DPYS: variants seen among roughly 807,000 people sequenced by gnomAD.
The protein encoded by DPYS is dihydropyrimidine amidohydrolase.
Under a neutral mutation model 50.3 loss-of-function variants are expected in DPYS, and 39 were observed. The ratio of observed to expected loss-of-function variants is 0.78; its 90% CI spans 0.60 to 1.01. DPYS has a LOEUF of 1.01. Ranked by LOEUF, DPYS falls within the 50% of genes least tolerant of loss-of-function variation. The pLI, the probability that DPYS is intolerant of heterozygous loss-of-function variation, is 0.00. For synonymous variants in DPYS, 245 were observed against 250.7 expected (o/e 0.98, Z 0.22); for missense variants, 659 against 680.9 (o/e 0.97, Z 0.36).
In DPYS at chr8:104,451,367, A is replaced by G. The variant is rs778287686; in HGVS notation, c.302T>C (p.Phe101Ser). The G allele has an allele frequency of 6.2e-7, 1 of 1,614,192 alleles. No individual in the cohort carries two copies. Among genetic ancestry groups the G allele is most frequent in the South Asian group, 1.1e-5 (1 of 91,078 alleles). ...GGAGCCACCTTTCTGAGGAATGGCG[A>G]AATCAATAATCATGGTGGTGCCTCC... ...LSGGTTMIID[F>S]AIPQKGGSLI... The change falls in exon 2 of 10, where the codon TTC becomes TCC. Residue 101 changes from phenylalanine to serine, a missense_variant. By Grantham distance (155) the Phe-to-Ser change is radical. Coordinates refer to ENST00000351513, the MANE Select transcript of DPYS (RefSeq NM_001385.3).
chr8:104,440,515 C>G (rs367772709), intron 4 of DPYS, among the ~76,000 whole-genome samples: 8 of 152,086 alleles, frequency 5.3e-5, no homozygotes, highest in African/African-American at 9.7e-5. Flanking sequence ...TCCACCCGCC[C>G]CGGCCTCCCA....
chr8:104,426,881 A>G (rs768385511), intron 6 of DPYS, among the ~76,000 whole-genome samples: 6 of 152,190 alleles, frequency 3.9e-5, no homozygotes, highest in Non-Finnish European at 8.8e-5. Context: ...CAATTTTAAA[A>G]ACATGATATC....
intron 7 of DPYS, among the ~76,000 whole-genome samples, chr8:104,397,526 T>C (rs2853157): frequency 0.92 from 140,628 of 152,224 alleles, 65,386 homozygotes; most frequent in Middle Eastern, 0.99. Flanking sequence ...CAGCCCATTT[T>C]TGTTGGGTAC....
intron 1 of DPYS, among the ~76,000 whole-genome samples, chr8:104,462,480 G>A (rs1814205558): frequency 6.6e-6 from 1 of 152,118 alleles, no homozygotes; most frequent in East Asian, 1.9e-4. Flanking sequence ...AAAGCAAAGT[G>A]TAATTTCCCT....
intron 7 of DPYS, among the ~76,000 whole-genome samples, chr8:104,393,232 A>C (rs1811459349): frequency 6.6e-6 from 1 of 152,242 alleles, no homozygotes; most frequent in Admixed American, 6.5e-5. Context: ...ATGAGGGTGG[A>C]GTGAGTGGAA....
chr8:104,444,600 ATATC>A (rs1813468487), intron 3 of DPYS, among the ~76,000 whole-genome samples, 163 bp from the exon 4 acceptor site: 1 of 152,196 alleles, frequency 6.6e-6, no homozygotes, highest in Non-Finnish European at 1.5e-5. Context: ...TTGTGTAAAT[ATATC>A]TATAACACAT....
chr8:104,440,437 G>A (rs1813310488), intron 4 of DPYS, among the ~76,000 whole-genome samples: 1 of 152,182 alleles, frequency 6.6e-6, no homozygotes, highest in Non-Finnish European at 1.5e-5. Flanking sequence ...TGTGGAGGCT[G>A]CATTCTAGGG....
At chr8:104,462,961 T>C (rs927210857) in intron 1 of DPYS, among the ~76,000 whole-genome samples, 3 of 152,234 alleles carry the variant, frequency 2.0e-5, no homozygotes, top group Non-Finnish European at 4.4e-5. Flanking sequence ...TTTAAACCAA[T>C]CTCTGACATG....
At chr8:104,459,426 G>A (rs1588463617) in intron 1 of DPYS, among the ~76,000 whole-genome samples, 1 of 152,274 alleles carries the variant, frequency 6.6e-6, no homozygotes, top group East Asian at 1.9e-4. Context: ...CAAATACCAT[G>A]GTTTTCATCT....
intron 7 of DPYS, chr8:104,420,175 T>C (rs751072251): frequency 5.9e-5 from 9 of 152,108 alleles, no homozygotes; most frequent in African/African-American, 9.7e-5. Context: ...ACAGTGACGA[T>C]GGTAGGGGTA....
Position 104,424,390 on chromosome 8 carries a change from C to T in DPYS, c.1093-1G>A. On this transcript the variant is annotated splice_acceptor_variant, in intron 6 of 9. Transcript: ENST00000351513. LOFTEE classifies it high-confidence loss of function. ...TGTTTTCATCCATTTTACCACTATG[C>T]TGTAAAGCAATTCAAAGAATCATTC... 1 of 1,613,510 alleles carries T rather than the reference C, an allele frequency of 6.2e-7. No homozygotes were observed. The highest frequency in any genetic ancestry group is 8.5e-7 in the Non-Finnish European group (1 of 1,179,936).
intron 1 of DPYS, among the ~76,000 whole-genome samples, chr8:104,463,636 G>C (rs1355859639): frequency 6.6e-6 from 1 of 152,110 alleles, no homozygotes; most frequent in Non-Finnish European, 1.5e-5. Flanking sequence ...ATGGCATCTG[G>C]GATTTTTGGA....
chr8:104,405,586 C>G (rs992140773), intron 7 of DPYS, among the ~76,000 whole-genome samples: 1 of 152,240 alleles, frequency 6.6e-6, no homozygotes. Context: ...GCTAGAAGCT[C>G]AGCCTCAGGG....
intron 7 of DPYS, among the ~76,000 whole-genome samples, chr8:104,415,890 A>T (rs1451675281): frequency 6.6e-6 from 1 of 152,130 alleles, no homozygotes; most frequent in East Asian, 1.9e-4. Context: ...AGCTAATAAG[A>T]GCTCCCACTC....
At chr8:104,451,143 T>C in intron 2 of DPYS, 103 bp downstream of exon 2, 1 of 1,457,418 alleles carries the variant, frequency 6.9e-7, no homozygotes, top group Non-Finnish European at 9.6e-7. Context: ...GCCAGTTCTG[T>C]CCTCCTGTTG....
intron 8 of DPYS, among the ~76,000 whole-genome samples, chr8:104,382,043 T>A (rs1811069393): frequency 6.6e-6 from 1 of 152,204 alleles, no homozygotes; most frequent in South Asian, 2.1e-4. Context: ...AGTTAATTAA[T>A]GCCTCCAGGC....
At chr8:104,466,522 T>A (rs528003763) in intron 1 of DPYS, 135 bp downstream of exon 1, 2 of 1,041,798 alleles carry the variant, frequency 1.9e-6, no homozygotes, top group East Asian at 3.2e-5. Context: ...CCGCCGGGGC[T>A]GCGCTCCTTC....
intron 1 of DPYS, among the ~76,000 whole-genome samples, chr8:104,458,351 A>T (rs1588462850): frequency 6.6e-6 from 1 of 151,732 alleles, no homozygotes; most frequent in African/African-American, 2.4e-5. Context: ...CATTCACTCC[A>T]CTCCACTGAC....
intron 7 of DPYS, among the ~76,000 whole-genome samples, chr8:104,397,658 A>G (rs1196499772): frequency 6.6e-6 from 1 of 152,238 alleles, no homozygotes; most frequent in Non-Finnish European, 1.5e-5. Flanking sequence ...ATACCTATAA[A>G]TACTTGGCAA....
Sources: gnomAD v4.1 joint callset for allele counts (sites outside exome capture counted in the v4.1 genomes callset) on GRCh38, gnomAD v4.1.1 for gene constraint, MANE v1.5 for transcripts, NCBI Gene and HGNC (gene_info 2026-07-23, HGNC 2026-07-21) for gene names.